Variants in LINS1 observed in about 807,000 individuals in gnomAD.
LINS1 encodes the protein protein Lines homolog 1.
LINS1 carries 27 observed loss-of-function variants against 41.6 expected under a neutral mutation model. That is an observed-to-expected ratio of 0.65 (90% confidence interval 0.48 to 0.89). LINS1 has a LOEUF of 0.89. Among genes scored for constraint, LINS1 ranks in the 40% least tolerant of loss-of-function variants. The pLI is 0.00. For synonymous variants in LINS1, 336 were observed against 312.9 expected (o/e 1.07, Z -0.78); for missense variants, 955 against 884.1 (o/e 1.08, Z -1.02).
chr15:100,599,859 G>C (rs1193940357), intron 1 of LINS1, among the ~76,000 whole-genome samples: 1 of 152,048 alleles, frequency 6.6e-6, no homozygotes, highest in African/African-American at 2.4e-5. Flanking sequence ...TGAGGTCAGA[G>C]GTTCGAGACC....
chr15:100,597,739 C>T (rs2141364757), intron 1 of LINS1, among the ~76,000 whole-genome samples: 1 of 152,328 alleles, frequency 6.6e-6, no homozygotes, highest in Admixed American at 6.5e-5. Context: ...TTTCCATCTG[C>T]CCCCACAAAC....
chr15:100,581,775 T>C (rs1025274275), intron 1 of LINS1, among the ~76,000 whole-genome samples: 1 of 152,224 alleles, frequency 6.6e-6, no homozygotes, highest in Non-Finnish European at 1.5e-5. Flanking sequence ...TGTGAAGAAC[T>C]GTCTGATAAA....
intron 6 of LINS1, 97 bp from the exon 7 acceptor site, chr15:100,570,214 A>G: frequency 9.8e-7 from 1 of 1,020,382 alleles, no homozygotes; most frequent in Non-Finnish European, 1.4e-6. Flanking sequence ...AACCTATTAG[A>G]TTACTTTTAA....
rs1007066476 is a variant in LINS1, at chr15:100,575,246, C to T, written c.490-118G>A. ...AGAAGTATGATAATATGTGGCACAC[C>T]GAGAAGGAACAGAAGTATCCTAATA... On this transcript the variant is annotated intron_variant, in intron 3 of 6. Transcript: ENST00000314742. 3.4e-5 allele frequency: 26 copies of T among 760,524 alleles called. No homozygotes were observed. In the East Asian group the frequency reaches 3.8e-4, roughly 11 times the overall value. The allele number at this position is 760,524 out of a possible 1,614,324, so 47.1% of individuals were successfully genotyped here.
intron 1 of LINS1, among the ~76,000 whole-genome samples, chr15:100,591,820 C>T (rs1316040363): frequency 6.6e-6 from 1 of 152,128 alleles, no homozygotes; most frequent in African/African-American, 2.4e-5. Flanking sequence ...TTCCATGATT[C>T]CCAATAGGTA....
chr15:100,587,157 T>A (rs1308291173), intron 1 of LINS1, among the ~76,000 whole-genome samples: 1 of 68,266 alleles, frequency 1.5e-5, no homozygotes. Context: ...GACTCTGTCT[T>A]AAAAAAAAAA....
intron 1 of LINS1, among the ~76,000 whole-genome samples, chr15:100,587,212 G>C (rs536561959): frequency 2.2e-5 from 3 of 136,446 alleles, no homozygotes; most frequent in African/African-American, 8.1e-5. Context: ...CTTTAATATA[G>C]TTAAGCCTGA....
intron 1 of LINS1, among the ~76,000 whole-genome samples, chr15:100,583,111 T>C (rs1254776744): frequency 1.4e-5 from 2 of 144,378 alleles, no homozygotes; most frequent in African/African-American, 2.6e-5. Flanking sequence ...CTTGGTCTTA[T>C]ACTGGGTCTT....
intron 1 of LINS1, among the ~76,000 whole-genome samples, chr15:100,598,555 G>A (rs1368643458): frequency 1.3e-5 from 2 of 152,178 alleles, no homozygotes; most frequent in Admixed American, 6.5e-5. Context: ...AATGGCTGTG[G>A]TAGAATACCA....
chr15:100,587,053 G>T (rs924928467), intron 1 of LINS1, among the ~76,000 whole-genome samples: 1 of 151,360 alleles, frequency 6.6e-6, no homozygotes, highest in Non-Finnish European at 1.5e-5. Context: ...CAGCCACTTG[G>T]GAGGCTGAGG....
chr15:100,589,416 C>A (rs148024772), intron 1 of LINS1, among the ~76,000 whole-genome samples: 73 of 152,272 alleles, frequency 4.8e-4, no homozygotes, highest in Middle Eastern at 6.8e-3. Flanking sequence ...ATGAACTCCA[C>A]GATCTAAGTC....
chr15:100,590,335 CAGATAAA>C (rs531932469), intron 1 of LINS1, among the ~76,000 whole-genome samples: 172 of 152,266 alleles, frequency 1.1e-3, no homozygotes, highest in African/African-American at 3.9e-3. Flanking sequence ...TATACTTTGA[CAGATAAA>C]AGATGAAGGT....
intron 3 of LINS1, among the ~76,000 whole-genome samples, chr15:100,575,605 G>C (rs1450030254): frequency 1.3e-5 from 2 of 152,134 alleles, no homozygotes; most frequent in Non-Finnish European, 1.5e-5. Flanking sequence ...GTCAACATTA[G>C]ACAGAACAAC....
At chr15:100,576,074 A>G (rs2038157806) in intron 3 of LINS1, among the ~76,000 whole-genome samples, 1 of 152,268 alleles carries the variant, frequency 6.6e-6, no homozygotes, top group South Asian at 2.1e-4. Flanking sequence ...AGAAAGCAGG[A>G]AAGATCTAAA....
At chr15:100,575,492 C>A (rs1167647583) in intron 3 of LINS1, among the ~76,000 whole-genome samples, 1 of 152,136 alleles carries the variant, frequency 6.6e-6, no homozygotes, top group Non-Finnish European at 1.5e-5. Context: ...AATATATATG[C>A]ACCCAATACA....
At chr15:100,588,555 A>T (rs2038907382) in intron 1 of LINS1, among the ~76,000 whole-genome samples, 1 of 152,246 alleles carries the variant, frequency 6.6e-6, no homozygotes. Context: ...TCACAAATGT[A>T]AACATTTGGT....
intron 1 of LINS1, among the ~76,000 whole-genome samples, chr15:100,582,816 C>G (rs1220675512): frequency 6.7e-6 from 1 of 148,740 alleles, no homozygotes; most frequent in South Asian, 2.2e-4. Context: ...GCCCACTAGC[C>G]TAGTCTTGGT....
In LINS1 at chr15:100,574,206, T is replaced by C. The variant is rs774136144; in HGVS notation, c.667A>G (p.Ile223Val). Residue 223 changes from isoleucine (I) to valine (V), a missense_variant, in exon 5 of 7, where the codon ATT (isoleucine) becomes GTT (valine). Coordinates refer to ENST00000314742, the MANE Select transcript of LINS1 (RefSeq NM_001040616.3). ...AAGGAATTGTAAAACACTTCAAAAA[T>C]GGTGTCGAAATGAGTCAGGAACTGC... is the stretch of plus-strand genomic sequence containing the variant. ...LKQFLTHFDTIFEVFYNSLFS... is the reference protein window; with the variant it reads ...LKQFLTHFDTVFEVFYNSLFS... 34 of 1,612,928 alleles carry C rather than the reference T, an allele frequency of 2.1e-5. No homozygotes were observed. The highest frequency in any genetic ancestry group is 2.9e-5 in the Non-Finnish European group (34 of 1,179,232).
At chr15:100,590,247 G>A (rs1398472891) in intron 1 of LINS1, among the ~76,000 whole-genome samples, 1 of 152,140 alleles carries the variant, frequency 6.6e-6, no homozygotes, top group Non-Finnish European at 1.5e-5. Context: ...AAATGAAAAG[G>A]GGGTCTGTTG....
Sources: allele counts gnomAD v4.1 joint callset (sites outside exome capture counted in the v4.1 genomes callset), GRCh38; gene constraint gnomAD v4.1.1; transcripts MANE v1.5; gene names NCBI Gene and HGNC (gene_info 2026-07-23, HGNC 2026-07-21).